The following ITPK1 variants were observed in gnomAD, a reference collection of about 807,000 sequenced individuals.
ITPK1 encodes inositol-tetrakisphosphate 1-kinase.
A neutral mutation model predicts 45.3 loss-of-function variants in ITPK1; 21 were observed. That is an observed-to-expected ratio of 0.46 (90% confidence interval 0.33 to 0.67). The LOEUF is 0.67. Among genes scored for constraint, ITPK1 ranks in the 30% least tolerant of loss-of-function variants. ITPK1 has a pLI of 0.02. For missense variants in ITPK1, 474 were observed against 573.5 expected, an observed-to-expected ratio of 0.83 and a Z score of 1.77; for synonymous variants, 258 against 253.6, an observed-to-expected ratio of 1.02 and a Z score of -0.16.
chr14:92,994,505 G>C (rs1886952695), intron 4 of ITPK1, among the ~76,000 whole-genome samples: 2 of 152,170 alleles, frequency 1.3e-5, no homozygotes, highest in South Asian at 4.1e-4. Context: ...GGGTAGGCAC[G>C]AAGGAAATGC....
At position 93,034,600 on chromosome 14, in the gene ITPK1, T is replaced by C. The variant is rs12878461; in HGVS notation, c.121-17799A>G. On this transcript the variant is annotated intron_variant, in intron 3 of 10. Coordinates refer to ENST00000267615, the MANE Select transcript of ITPK1 (RefSeq NM_014216.6). The surrounding 1 kb of genome is among the most constrained non-coding windows in gnomAD (Gnocchi z 4.1). ...CCAGCCTGAGCTGCCTGGGGGCCCC[T>C]GGGACCTCCCACATCCTGCATGAAG... Among the ~76,000 whole-genome samples the C allele has an allele frequency of 6.4e-3, 977 of 152,302 alleles. 6 individuals are homozygous for C. The highest frequency in any genetic ancestry group is 0.02 in the Middle Eastern group (6 of 294).
chr14:93,084,469 G>A (rs1891572812), intron 2 of ITPK1, among the ~76,000 whole-genome samples: 1 of 152,216 alleles, frequency 6.6e-6, no homozygotes, highest in South Asian at 2.1e-4. Context: ...TAAGAAGTGG[G>A]ATACACACTG....
At chr14:92,982,584 G>A (rs984968161) in intron 5 of ITPK1, among the ~76,000 whole-genome samples, 4 of 152,128 alleles carry the variant, frequency 2.6e-5, no homozygotes, top group East Asian at 1.9e-4. Flanking sequence ...CTGCCCCTGC[G>A]GACACCTTGA....
At chr14:92,992,150 T>C (rs775163361) in intron 5 of ITPK1, among the ~76,000 whole-genome samples, 4 of 152,194 alleles carry the variant, frequency 2.6e-5, no homozygotes, top group African/African-American at 9.7e-5. Context: ...TCGAATGGAC[T>C]TGTCCGGGAC....
chr14:92,974,873 G>T (rs1364595850), intron 5 of ITPK1, among the ~76,000 whole-genome samples: 1 of 152,254 alleles, frequency 6.6e-6, no homozygotes, highest in Admixed American at 6.5e-5. Context: ...GTCACATGAG[G>T]ACTGTGGTCA....
At chr14:93,113,259 G>C (rs947950928) in intron 2 of ITPK1, among the ~76,000 whole-genome samples, 5 of 152,148 alleles carry the variant, frequency 3.3e-5, no homozygotes, top group African/African-American at 9.7e-5. Context: ...AGCATAGCTT[G>C]CTCTGAACCT....
In ITPK1 at chr14:92,939,972, C is replaced by T. The variant is rs1366310955; in HGVS notation, c.*1589G>A. On this transcript the variant is annotated 3_prime_UTR_variant, in exon 11 of 11. Coordinates refer to ENST00000267615, the MANE Select transcript of ITPK1 (RefSeq NM_014216.6). The stretch of plus-strand genomic sequence containing the variant: ...AGAACTAGGAAAGGTGACGTACAGA[C>T]ATTAATCGGGGTTCAAAACTCAAGT... The T allele has an allele frequency of 2.0e-6, 2 of 985,772 alleles. No homozygotes were observed. The highest frequency in any genetic ancestry group is 2.4e-6 in the Non-Finnish European group (2 of 829,966). 61.1% of individuals were successfully genotyped at this position (985,772 alleles called of 1,614,324 possible).
In ITPK1 at chr14:92,940,198, A is replaced by G. The variant is rs2139685935; in HGVS notation, c.*1363T>C. ...CTCAGCACTTTCTCTAGCGTCCTCCATCTCACTGGGCAGAGGACAGCCCGG... is the reference window on the plus strand; with the variant it reads ...CTCAGCACTTTCTCTAGCGTCCTCCGTCTCACTGGGCAGAGGACAGCCCGG... On this transcript the variant is annotated 3_prime_UTR_variant, in exon 11 of 11. Transcript: ENST00000267615. 1.0e-6 allele frequency: 1 copy of G among 985,840 alleles called. No homozygotes were observed. Among genetic ancestry groups the G allele is most frequent in the Non-Finnish European group, 1.2e-6 (1 of 830,258 alleles). The allele number at this position is 985,840 out of a possible 1,614,324, so 61.1% of individuals were successfully genotyped here. A position where few individuals can be genotyped will look rare whatever the true frequency, so the allele number is the denominator to read the frequency against.
intron 5 of ITPK1, among the ~76,000 whole-genome samples, chr14:92,973,732 G>T (rs976185700): frequency 6.6e-6 from 1 of 152,234 alleles, no homozygotes; most frequent in African/African-American, 2.4e-5. Flanking sequence ...TCACAGGCAC[G>T]TGGGTGGGAG....
At chr14:92,948,379 T>C (rs1385689612) in intron 9 of ITPK1, among the ~76,000 whole-genome samples, 4 of 152,188 alleles carry the variant, frequency 2.6e-5, no homozygotes, top group African/African-American at 9.7e-5. Flanking sequence ...TTAGAGACAA[T>C]GTTTCACTCT....
rs922888390 is a variant in ITPK1 at position 93,036,501 on chromosome 14, G to A, written c.121-19700C>T. Among the ~76,000 whole-genome samples, 15 of 152,076 alleles carry A rather than the reference G, an allele frequency of 9.9e-5. No individual in the cohort carries two copies. Among genetic ancestry groups the A allele is most frequent in the Admixed American group, 3.9e-4 (6 of 15,268 alleles). ...GACCTCCTCCGAGAGGCTGGTGGGA[G>A]CACGTGCCCCATTTGACCCCCACGG... On this transcript the variant is annotated intron_variant, in intron 3 of 10. Transcript: ENST00000267615. The surrounding 1 kb of genome is among the most constrained non-coding windows in gnomAD (Gnocchi z 4.1).
At chr14:93,045,267 G>A (rs1015202497) in intron 3 of ITPK1, among the ~76,000 whole-genome samples, 9 of 152,210 alleles carry the variant, frequency 5.9e-5, no homozygotes, top group African/African-American at 1.4e-4. Flanking sequence ...TCTGCCTCCC[G>A]CAGCGCTTGA....
chr14:93,021,598 A>G (rs10132322), intron 3 of ITPK1, among the ~76,000 whole-genome samples: 50,606 of 145,128 alleles, frequency 0.35, 8,941 homozygotes, highest in Non-Finnish European at 0.39. Context: ...GTCTCAAAAA[A>G]AAAAAGAAAA....
intron 7 of ITPK1, among the ~76,000 whole-genome samples, chr14:92,960,064 G>C (rs1001222412): frequency 6.6e-6 from 1 of 152,228 alleles, no homozygotes; most frequent in African/African-American, 2.4e-5. Flanking sequence ...GTCCACCCCA[G>C]AGGGCACGTC....
At chr14:93,069,743 T>A (rs1890911704) in intron 3 of ITPK1, 1 of 152,228 alleles carries the variant, frequency 6.6e-6, no homozygotes, top group East Asian at 1.9e-4. Context: ...TGGGTCTTAG[T>A]GTCTCTTTCT....
At chr14:93,093,501 T>C (rs571353246) in intron 2 of ITPK1, among the ~76,000 whole-genome samples, 2 of 152,308 alleles carry the variant, frequency 1.3e-5, no homozygotes, top group South Asian at 2.1e-4. Flanking sequence ...CAGTCCTTTC[T>C]TCCCCCCTCA....
rs1051526093 is a variant in ITPK1 at position 92,940,223 on chromosome 14, G to A, written c.*1338C>T. On this transcript the variant is annotated 3_prime_UTR_variant, in exon 11 of 11. Transcript: ENST00000267615. ...ATCTCACTGGGCAGAGGACAGCCCG[G>A]AAGCCTTTTTCACTTTTTCAAAGTA... 4.1e-6 allele frequency: 4 copies of A among 986,442 alleles called. No homozygotes were observed. Among genetic ancestry groups the A allele is most frequent in the Middle Eastern group, 5.2e-4 (1 of 1,940 alleles). The allele number at this position is 986,442 out of a possible 1,614,324, so 61.1% of individuals were successfully genotyped here. A position where few individuals can be genotyped will look rare whatever the true frequency, so the allele number is the denominator to read the frequency against.
chr14:92,992,835 C>T (rs1595118124), intron 5 of ITPK1, among the ~76,000 whole-genome samples: 2 of 152,256 alleles, frequency 1.3e-5, no homozygotes, highest in African/African-American at 4.8e-5. Context: ...CCTCTCAGAG[C>T]CTCTGGGATT....
intron 9 of ITPK1, among the ~76,000 whole-genome samples, chr14:92,950,061 C>T (rs1300997614): frequency 6.6e-6 from 1 of 152,198 alleles, no homozygotes; most frequent in African/African-American, 2.4e-5. Flanking sequence ...CTCAGAGAGG[C>T]GACGCGACTC....
Sources: gnomAD v4.1 joint callset for allele counts (sites outside exome capture counted in the v4.1 genomes callset) on GRCh38, gnomAD v4.1.1 for gene constraint, Gnocchi (gnomAD v3.1) non-coding constraint, MANE v1.5 for transcripts, NCBI Gene and HGNC (gene_info 2026-07-23, HGNC 2026-07-21) for gene names.